NBEAL1: variants seen among roughly 807,000 people sequenced by gnomAD.
NBEAL1 encodes the protein neurobeachin-like protein 1.
NBEAL1 carries 273 observed loss-of-function variants against 351.3 expected under a neutral mutation model. That is an observed-to-expected ratio of 0.78 (90% confidence interval 0.70 to 0.86). The LOEUF is 0.86. Ranked by LOEUF, NBEAL1 falls within the 40% of genes least tolerant of loss-of-function variation. The pLI, the probability that NBEAL1 is intolerant of heterozygous loss-of-function variation, is 0.00. For synonymous variants in NBEAL1, 1,050 were observed against 1,086.4 expected, an observed-to-expected ratio of 0.97 and a Z score of 0.66; for missense variants, 2,961 against 3,201.3, an observed-to-expected ratio of 0.92 and a Z score of 1.81.
rs2065931547 is a variant in NBEAL1, at chr2:203,219,454, AG to A, written c.*2101del. On this transcript the variant is annotated 3_prime_UTR_variant, in exon 56 of 56. Coordinates refer to ENST00000683969, the MANE Select transcript of NBEAL1 (RefSeq NM_001378026.1). ...AAGAAATAAGCAGTTTTTACTTTAT[AG>A]TACAAATAAGTTTTGTTCACAATAA... 6.6e-6 allele frequency: 1 copy of A among 152,088 alleles called. No homozygotes were observed. Among genetic ancestry groups the A allele is most frequent in the Non-Finnish European group, 1.5e-5 (1 of 68,030 alleles). 9.4% of individuals were successfully genotyped at this position (152,088 alleles called of 1,614,324 possible).
intron 27 of NBEAL1, among the ~76,000 whole-genome samples, chr2:203,135,464 C>T (rs1202567553): frequency 2.0e-5 from 3 of 152,010 alleles, no homozygotes; most frequent in Non-Finnish European, 4.4e-5. Flanking sequence ...TGTACTCTTA[C>T]TCTGTACAAT....
At chr2:203,195,054 A>G (rs13407718) in intron 47 of NBEAL1, among the ~76,000 whole-genome samples, 134,625 of 151,742 alleles carry the variant, frequency 0.89, 60,747 homozygotes, top group Non-Finnish European at 0.96. Flanking sequence ...AAAAATTAGC[A>G]GGGCATGGTG....
In NBEAL1 at chr2:203,125,495, C is replaced by G. The variant is rs76097285; in HGVS notation, c.2826C>G (p.Leu942=). The G allele has an allele frequency of 6.6e-7, 1 of 1,518,974 alleles. No homozygotes were observed. The highest frequency in any genetic ancestry group is 1.4e-5 in the African/African-American group (1 of 71,328). 94.1% of individuals were successfully genotyped at this position (1,518,974 alleles called of 1,614,324 possible). A position where few individuals can be genotyped will look rare whatever the true frequency, so the allele number is the denominator to read the frequency against. ...TAACACCTGTTGAAGGAGATTGGCTCGTATGGACTTCCACAAAGGCCTCAG... is the reference window on the plus strand; with the variant it reads ...TAACACCTGTTGAAGGAGATTGGCTGGTATGGACTTCCACAAAGGCCTCAG... ...ESVTPVEGDW[L]VWTSTKASES... The change falls in exon 20 of 56, where the codon CTC becomes CTG. Residue 942 remains leucine, a synonymous_variant. Transcript: ENST00000683969.
intron 2 of NBEAL1, among the ~76,000 whole-genome samples, chr2:203,030,849 C>CA (rs752717609): frequency 2.6e-5 from 4 of 151,902 alleles, no homozygotes; most frequent in Non-Finnish European, 5.9e-5. Context: ...CCTGTCTCTA[C>CA]AAAAAAAATT....
At chr2:203,166,640 G>A (rs971788000) in intron 37 of NBEAL1, among the ~76,000 whole-genome samples, 3 of 152,050 alleles carry the variant, frequency 2.0e-5, no homozygotes, top group East Asian at 1.9e-4. Context: ...TCTGCCTCCC[G>A]GGTTCAAGCG....
chr2:203,172,565 A>T (rs2064355742), intron 40 of NBEAL1, among the ~76,000 whole-genome samples, 164 bp from the exon 41 acceptor site: 1 of 152,162 alleles, frequency 6.6e-6, no homozygotes, highest in Admixed American at 6.6e-5. Context: ...ATAGGAAATA[A>T]TGCTTCTGGT....
intron 24 of NBEAL1, among the ~76,000 whole-genome samples, chr2:203,128,141 G>A (rs771248848): frequency 6.6e-6 from 1 of 151,414 alleles, no homozygotes; most frequent in African/African-American, 2.4e-5. Flanking sequence ...CTGGAGTGCA[G>A]TGGCACGATC....
At chr2:203,072,870 A>T (rs1162190908) in intron 7 of NBEAL1, among the ~76,000 whole-genome samples, 1 of 152,174 alleles carries the variant, frequency 6.6e-6, no homozygotes, top group African/African-American at 2.4e-5. Context: ...TTTGTAACAA[A>T]ATCTGTCTTA....
At chr2:203,188,793 T>C (rs1345923825) in intron 45 of NBEAL1, among the ~76,000 whole-genome samples, 3 of 152,208 alleles carry the variant, frequency 2.0e-5, no homozygotes, top group African/African-American at 7.2e-5. Context: ...ATGTCACTTA[T>C]TAACATCATA....
intron 36 of NBEAL1, among the ~76,000 whole-genome samples, chr2:203,164,224 C>A (rs1392182490): frequency 6.6e-6 from 1 of 151,816 alleles, no homozygotes; most frequent in Non-Finnish European, 1.5e-5. Flanking sequence ...TGCACTCTAG[C>A]CTGGGTGTCA....
intron 18 of NBEAL1, among the ~76,000 whole-genome samples, chr2:203,121,468 C>T (rs933447265): frequency 1.3e-5 from 2 of 152,026 alleles, no homozygotes; most frequent in Non-Finnish European, 2.9e-5. Context: ...GCCTGGCCAA[C>T]ATGGTGAAAC....
chr2:203,089,815 G>A (rs1173078169), intron 10 of NBEAL1, among the ~76,000 whole-genome samples: 1 of 152,174 alleles, frequency 6.6e-6, no homozygotes, highest in Admixed American at 6.5e-5. Flanking sequence ...CGTGGATGTT[G>A]CAGTAGAGGA....
At chr2:203,156,849 G>A (rs891134581) in intron 35 of NBEAL1, among the ~76,000 whole-genome samples, 13 of 152,044 alleles carry the variant, frequency 8.6e-5, no homozygotes, top group African/African-American at 2.9e-4. Flanking sequence ...ATCAAGTTAA[G>A]TATGTTAATT....
chr2:203,041,012 G>C (rs1362641277), intron 2 of NBEAL1: 1 of 234,690 alleles, frequency 4.3e-6, no homozygotes, highest in Admixed American at 4.8e-5. Flanking sequence ...TCAAAAATCG[G>C]AAAGGAAGGG....
At chr2:203,153,883 A>G (rs2063727572) in intron 35 of NBEAL1, among the ~76,000 whole-genome samples, 1 of 152,132 alleles carries the variant, frequency 6.6e-6, no homozygotes, top group Admixed American at 6.5e-5. Flanking sequence ...ACACATGCAC[A>G]CAGATGTAAT....
chr2:203,089,226 G>A (rs1213365558), intron 10 of NBEAL1, among the ~76,000 whole-genome samples: 1 of 151,966 alleles, frequency 6.6e-6, no homozygotes, highest in Non-Finnish European at 1.5e-5. Flanking sequence ...AGGCATAGTG[G>A]CATGCTCCTA....
chr2:203,049,723 G>C, intron 3 of NBEAL1, 91 bp from the exon 4 acceptor site: 1 of 1,122,736 alleles, frequency 8.9e-7, no homozygotes, highest in African/African-American at 1.6e-5. Context: ...GCTTCTTTAG[G>C]ATTTGGGCTG....
intron 29 of NBEAL1, 67 bp downstream of exon 29, chr2:203,136,841 T>C: frequency 7.5e-7 from 1 of 1,337,228 alleles, no homozygotes; most frequent in Admixed American, 1.9e-5. Flanking sequence ...ATAACGTTAG[T>C]TATTGAACAT....
chr2:203,143,840 G>A (rs1559401286), intron 31 of NBEAL1, among the ~76,000 whole-genome samples: 1 of 152,084 alleles, frequency 6.6e-6, no homozygotes, highest in Non-Finnish European at 1.5e-5. Flanking sequence ...GGGAAGATTT[G>A]TTTACTATCC....
Sources: gnomAD v4.1 joint callset for allele counts (sites outside exome capture counted in the v4.1 genomes callset) on GRCh38, gnomAD v4.1.1 for gene constraint, MANE v1.5 for transcripts, NCBI Gene and HGNC (gene_info 2026-07-23, HGNC 2026-07-21) for gene names.